The following CACNA2D3 variants were observed in gnomAD, a reference collection of about 807,000 sequenced individuals.
CACNA2D3 encodes calcium voltage-gated channel auxiliary subunit alpha2delta 3, also known as voltage-dependent calcium channel subunit alpha-2/delta-3.
In CACNA2D3, 60 loss-of-function variants were observed where a neutral mutation model predicts 160.6. The ratio of observed to expected loss-of-function variants is 0.37; its 90% CI spans 0.30 to 0.46. CACNA2D3 has a LOEUF of 0.46. Ranked by LOEUF, CACNA2D3 falls within the 20% of genes least tolerant of loss-of-function variation. The pLI is 1.00. For missense variants in CACNA2D3, 1,205 were observed against 1,365.0 expected (o/e 0.88, Z 1.85); for synonymous variants, 558 against 492.9 (o/e 1.13, Z -1.75).
At chr3:54,187,721 G>C (rs1345062631) in intron 2 of CACNA2D3, among the ~76,000 whole-genome samples, 1 of 152,172 alleles carries the variant, frequency 6.6e-6, no homozygotes, top group African/African-American at 2.4e-5. Context: ...TTCCGTCTCA[G>C]ATCATCAGGC....
chr3:54,808,234 A>G (rs1449614905), intron 13 of CACNA2D3, among the ~76,000 whole-genome samples: 2 of 150,390 alleles, frequency 1.3e-5, no homozygotes, highest in Non-Finnish European at 3.0e-5. Flanking sequence ...AAAAATAGTA[A>G]GAAAAATTCA....
intron 2 of CACNA2D3, among the ~76,000 whole-genome samples, chr3:54,146,909 C>G (rs572483644): frequency 1.3e-4 from 20 of 152,254 alleles, no homozygotes; most frequent in Non-Finnish European, 2.5e-4. Context: ...GCCTGCCCCT[C>G]CTGGAGCTTT....
chr3:55,027,479 C>CA (rs1402719447), intron 35 of CACNA2D3, among the ~76,000 whole-genome samples: 1 of 152,128 alleles, frequency 6.6e-6, no homozygotes, highest in Non-Finnish European at 1.5e-5. Flanking sequence ...CATAGATGTA[C>CA]AATGGCCAGC....
chr3:54,666,725 G>C (rs1700074566), intron 11 of CACNA2D3, among the ~76,000 whole-genome samples: 1 of 152,178 alleles, frequency 6.6e-6, no homozygotes, highest in African/African-American at 2.4e-5. Flanking sequence ...GCCTTAAAAG[G>C]CGTTAAACCA....
intron 27 of CACNA2D3, among the ~76,000 whole-genome samples, chr3:54,950,827 T>C (rs9847621): frequency 0.015 from 2,357 of 152,114 alleles, 68 homozygotes; most frequent in African/African-American, 0.054. Context: ...CATGGTGACA[T>C]GTGAGGTTTG....
At chr3:54,268,438 T>C (rs2107448023) in intron 2 of CACNA2D3, among the ~76,000 whole-genome samples, 1 of 152,276 alleles carries the variant, frequency 6.6e-6, no homozygotes, top group Middle Eastern at 3.4e-3. Context: ...AGATGGAGTT[T>C]CACTCTTGTC....
chr3:54,543,608 C>T (rs916913943), intron 5 of CACNA2D3, among the ~76,000 whole-genome samples: 1 of 152,146 alleles, frequency 6.6e-6, no homozygotes, highest in Non-Finnish European at 1.5e-5. Flanking sequence ...GAGGCTTGGC[C>T]TCTCTCCCTG....
intron 9 of CACNA2D3, among the ~76,000 whole-genome samples, chr3:54,594,548 C>CT (rs998781508): frequency 6.6e-6 from 1 of 152,146 alleles, no homozygotes. Context: ...CATTTCAACT[C>CT]TTTTGGCAAA....
intron 35 of CACNA2D3, among the ~76,000 whole-genome samples, chr3:55,064,903 G>A (rs989671364): frequency 1.3e-5 from 2 of 152,122 alleles, no homozygotes; most frequent in Non-Finnish European, 2.9e-5. Flanking sequence ...GGGGATGGGG[G>A]CAGGGGCAAG....
intron 11 of CACNA2D3, among the ~76,000 whole-genome samples, chr3:54,642,915 C>T (rs974134431): frequency 2.0e-5 from 3 of 152,028 alleles, no homozygotes; most frequent in African/African-American, 7.2e-5. Context: ...CCTACCCCAC[C>T]CCTCCAGCAG....
chr3:54,309,633 G>A (rs112896432), intron 2 of CACNA2D3, among the ~76,000 whole-genome samples: 8 of 152,092 alleles, frequency 5.3e-5, no homozygotes, highest in African/African-American at 1.9e-4. Flanking sequence ...GGGCTCTGGG[G>A]GCACTGGGCC....
At chr3:54,959,133 A>G (rs2107040606) in intron 27 of CACNA2D3, among the ~76,000 whole-genome samples, 1 of 152,322 alleles carries the variant, frequency 6.6e-6, no homozygotes, top group East Asian at 1.9e-4. Context: ...CAATCCTATT[A>G]GAGTGCTGTC....
intron 4 of CACNA2D3, among the ~76,000 whole-genome samples, chr3:54,418,630 CAGAA>C (rs1211852495): frequency 1.3e-5 from 2 of 152,178 alleles, no homozygotes; most frequent in Non-Finnish European, 2.9e-5. Context: ...CTTCTGAAAA[CAGAA>C]AGACACAGAT....
At chr3:54,716,456 G>C (rs1225730520) in intron 11 of CACNA2D3, among the ~76,000 whole-genome samples, 1 of 152,210 alleles carries the variant, frequency 6.6e-6, no homozygotes, top group Non-Finnish European at 1.5e-5. Flanking sequence ...TATGTTGCGT[G>C]TGAAAAGGAG....
intron 35 of CACNA2D3, among the ~76,000 whole-genome samples, chr3:55,051,926 C>T (rs564620055): frequency 3.9e-5 from 6 of 152,182 alleles, no homozygotes; most frequent in Non-Finnish European, 8.8e-5. Flanking sequence ...TGACCCCTTG[C>T]GCTTCCCAAG....
At chr3:55,027,773 A>G (rs1703596208) in intron 35 of CACNA2D3, among the ~76,000 whole-genome samples, 1 of 152,182 alleles carries the variant, frequency 6.6e-6, no homozygotes, top group South Asian at 2.1e-4. Context: ...TCATAGGAAA[A>G]CATCTCGCCT....
chr3:54,426,423 G>A (rs1456354907), intron 4 of CACNA2D3, among the ~76,000 whole-genome samples: 3 of 152,096 alleles, frequency 2.0e-5, no homozygotes, highest in African/African-American at 7.2e-5. Flanking sequence ...GGATATTTTG[G>A]AATCAATTAC....
intron 2 of CACNA2D3, among the ~76,000 whole-genome samples, chr3:54,152,946 C>T (rs1700179039): frequency 6.6e-6 from 1 of 152,196 alleles, no homozygotes; most frequent in African/African-American, 2.4e-5. Context: ...ATACAGGTGA[C>T]ACTCATGATG....
At chr3:54,208,720 C>G (rs1290634125) in intron 2 of CACNA2D3, among the ~76,000 whole-genome samples, 1 of 150,490 alleles carries the variant, frequency 6.6e-6, no homozygotes, top group Non-Finnish European at 1.5e-5. Context: ...TTTAGAGCAT[C>G]ACTGTGTAGG....
Sources: allele counts gnomAD v4.1 joint callset (sites outside exome capture counted in the v4.1 genomes callset), GRCh38; gene constraint gnomAD v4.1.1; transcripts MANE v1.5; gene names NCBI Gene and HGNC (gene_info 2026-07-23, HGNC 2026-07-21).